SNTG2: variants seen among roughly 807,000 people sequenced by gnomAD.
SNTG2 encodes the protein syntrophin gamma 2.
Under a neutral mutation model 70.9 loss-of-function variants are expected in SNTG2, and 74 were observed. The observed-to-expected ratio is 1.04, with a 90% CI of 0.86 to 1.27. The LOEUF is 1.27. Among genes scored for constraint, SNTG2 ranks in the 50% most tolerant of loss-of-function variants. The pLI is 0.00. For synonymous variants in SNTG2, 278 were observed against 273.8 expected (o/e 1.02, Z -0.15); for missense variants, 717 against 690.7 (o/e 1.04, Z -0.43).
At chr2:1,332,962 A>G (rs986434099) in intron 16 of SNTG2, among the ~76,000 whole-genome samples, 2 of 152,216 alleles carry the variant, frequency 1.3e-5, no homozygotes, top group African/African-American at 4.8e-5. Flanking sequence ...CAGAGCAATC[A>G]GACAAGAAAA....
intron 1 of SNTG2, among the ~76,000 whole-genome samples, chr2:968,441 C>G (rs1471995455): frequency 1.3e-5 from 2 of 151,928 alleles, no homozygotes; most frequent in Non-Finnish European, 2.9e-5. Context: ...CATTTTAAAT[C>G]TCATTTATTT....
chr2:1,278,906 T>G lies in SNTG2; in HGVS notation c.1284+11335T>G, dbSNP rs192067120. Among the ~76,000 whole-genome samples, 79 of 152,318 alleles carry G rather than the reference T, an allele frequency of 5.2e-4. 2 individuals carry two copies. In the East Asian group the frequency reaches 0.013, roughly 26 times the overall value. On this transcript the variant is annotated intron_variant, in intron 14 of 16. Transcript: ENST00000308624. ...TGTGATGAATCTCGTGCCACCCTGC[T>G]GCATCCCCCCGGGACGCGAATCACC...
chr2:999,886 G>A (rs912947232), intron 1 of SNTG2, among the ~76,000 whole-genome samples: 1 of 151,832 alleles, frequency 6.6e-6, no homozygotes, highest in African/African-American at 2.4e-5. Flanking sequence ...CGCAAAACAA[G>A]TCTAAGTAAA....
At chr2:1,144,838 T>C (rs1338962880) in intron 6 of SNTG2, among the ~76,000 whole-genome samples, 1 of 152,082 alleles carries the variant, frequency 6.6e-6, no homozygotes, top group African/African-American at 2.4e-5. Flanking sequence ...GAGATTTGGG[T>C]GGGGACACAG....
intron 7 of SNTG2, among the ~76,000 whole-genome samples, chr2:1,170,584 C>A (rs866617903): frequency 1.7e-4 from 26 of 151,742 alleles, no homozygotes; most frequent in Admixed American, 3.3e-4. Context: ...CACAAAGATG[C>A]CTTTGTGTCT....
chr2:1,109,884 C>T (rs1045694994), intron 4 of SNTG2, among the ~76,000 whole-genome samples: 4 of 152,074 alleles, frequency 2.6e-5, no homozygotes, highest in South Asian at 4.2e-4. Context: ...GTTTTGTCCC[C>T]GAAAGAAAGG....
intron 14 of SNTG2, among the ~76,000 whole-genome samples, chr2:1,271,979 C>G (rs1365115176): frequency 6.6e-5 from 10 of 152,094 alleles, no homozygotes; most frequent in Non-Finnish European, 1.0e-4. Flanking sequence ...TTCTGTGAAC[C>G]AACATCCACC....
chr2:1,050,407 A>G (rs1661989554), intron 1 of SNTG2, among the ~76,000 whole-genome samples: 1 of 151,792 alleles, frequency 6.6e-6, no homozygotes, highest in Admixed American at 6.6e-5. Flanking sequence ...TTTCCTTCCT[A>G]TTTATTGTAG....
In SNTG2 at chr2:1,221,995, G is replaced by GTCTC. The variant is rs1553362006; in HGVS notation, c.719+12767_719+12770dup. On this transcript the variant is annotated intron_variant, in intron 9 of 16. Transcript: ENST00000308624. ...TCTGTCTCTGTCTCTCTCTGTCTCT[G>GTCTC]TCTCTGTCTCTCTCTGTCTCTCTCT... Among the ~76,000 whole-genome samples the GTCTC allele has an allele frequency of 2.4e-3, 5 of 2,120 alleles. 1 individual carries two copies. The Admixed American group carries it at 0.033, about 14-fold the overall frequency. The allele number at this position is 2,120 out of a possible 152,430, so 1.4% of individuals were successfully genotyped here.
intron 16 of SNTG2, among the ~76,000 whole-genome samples, chr2:1,339,174 G>A (rs781096047): frequency 3.9e-5 from 6 of 152,160 alleles, no homozygotes; most frequent in Non-Finnish European, 1.5e-5. Flanking sequence ...CTTCTTTGGA[G>A]AAACTTAAGT....
At chr2:1,225,766 T>G (rs923898665) in intron 9 of SNTG2, among the ~76,000 whole-genome samples, 1 of 152,184 alleles carries the variant, frequency 6.6e-6, no homozygotes, top group South Asian at 2.1e-4. Context: ...GGGATCTGAA[T>G]GAAGTAGAAA....
chr2:1,245,152 G>A (rs1572852014), intron 11 of SNTG2, among the ~76,000 whole-genome samples: 1 of 149,048 alleles, frequency 6.7e-6, no homozygotes, highest in Admixed American at 6.7e-5. Flanking sequence ...GGATAGCATT[G>A]GGAGATATAC....
rs183058769 is a variant in SNTG2, at chr2:1,347,534, T to C, written c.1489-19809T>C. Among the ~76,000 whole-genome samples, 304 of 152,350 alleles carry C rather than the reference T, an allele frequency of 2.0e-3. 1 individual carries two copies. Among genetic ancestry groups the C allele is most frequent in the Non-Finnish European group, 3.1e-3 (209 of 68,028 alleles). ...AACATCATCTCTCACTCCCTGTTCCTCTCTGTCACTCTGAAGTCCCTGTCT... is the reference window on the plus strand; with the variant it reads ...AACATCATCTCTCACTCCCTGTTCCCCTCTGTCACTCTGAAGTCCCTGTCT... On this transcript the variant is annotated intron_variant, in intron 16 of 16. Transcript: ENST00000308624.
At chr2:1,039,478 G>A (rs1558332746) in intron 1 of SNTG2, among the ~76,000 whole-genome samples, 2 of 152,102 alleles carry the variant, frequency 1.3e-5, no homozygotes, top group Non-Finnish European at 2.9e-5. Flanking sequence ...ACAAAAATAG[G>A]AGTCATTCAA....
Position 1,027,203 on chromosome 2 carries a change from C to T in SNTG2, c.73-56315C>T, listed in dbSNP as rs554805977. Among the ~76,000 whole-genome samples the T allele has an allele frequency of 9.8e-5, 15 of 152,342 alleles. No individual in the cohort carries two copies. The East Asian group carries it at 1.4e-3, about 14-fold the overall frequency. On this transcript the variant is annotated intron_variant, in intron 1 of 16. Coordinates refer to ENST00000308624, the MANE Select transcript of SNTG2 (RefSeq NM_018968.4). Reference sequence around the variant, plus strand: ...TCTGCTTGTTTCCTGGAGATGCTCCCGGGCCCACAGTGCTCCCTGGTCCCA... The same window carrying T: ...TCTGCTTGTTTCCTGGAGATGCTCCTGGGCCCACAGTGCTCCCTGGTCCCA...
intron 9 of SNTG2, among the ~76,000 whole-genome samples, chr2:1,230,057 G>A (rs1398790413): frequency 6.6e-6 from 1 of 152,238 alleles, no homozygotes; most frequent in Admixed American, 6.5e-5. Context: ...TGCAGCGGTG[G>A]GCTGAAGGGC....
intron 14 of SNTG2, among the ~76,000 whole-genome samples, chr2:1,270,675 G>A (rs1272164929): frequency 1.3e-5 from 2 of 152,208 alleles, no homozygotes; most frequent in Middle Eastern, 3.4e-3. Flanking sequence ...AACAGTCCCC[G>A]GCATACTTCA....
At position 1,072,643 on chromosome 2, in the gene SNTG2, C is replaced by T. The variant is rs368266790; in HGVS notation, c.73-10875C>T. ...ATTTCATGCCTGTTAATATAACATC[C>T]ACTCTGCAAGTCAGGAATCAAGGTG... On this transcript the variant is annotated intron_variant, in intron 1 of 16. Transcript: ENST00000308624. Among the ~76,000 whole-genome samples the T allele has an allele frequency of 1.2e-4, 19 of 152,268 alleles. No individual in the cohort carries two copies. In the East Asian group the frequency reaches 3.5e-3, roughly 28 times the overall value.
intron 1 of SNTG2, among the ~76,000 whole-genome samples, chr2:1,019,557 T>C (rs1258130373): frequency 1.3e-5 from 2 of 152,150 alleles, no homozygotes; most frequent in Non-Finnish European, 2.9e-5. Flanking sequence ...CTTTGGAGAT[T>C]GCACACTCTT....
Sources: gnomAD v4.1 joint callset for allele counts (sites outside exome capture counted in the v4.1 genomes callset) on GRCh38, gnomAD v4.1.1 for gene constraint, MANE v1.5 for transcripts, NCBI Gene and HGNC (gene_info 2026-07-23, HGNC 2026-07-21) for gene names.